GCA: variants seen among roughly 807,000 people sequenced by gnomAD.
GCA encodes grancalcin, EF-hand calcium-binding protein.
Under a neutral mutation model 32.6 loss-of-function variants are expected in GCA, and 30 were observed. The observed-to-expected ratio is 0.92, with a 90% confidence interval of 0.69 to 1.25. The LOEUF (loss-of-function observed/expected upper bound fraction) is 1.25. Ranked by LOEUF, GCA falls within the 50% of genes most tolerant of loss-of-function variation. The probability of loss-of-function intolerance (pLI) is 0.00; values close to 1 mark genes in which losing one functional copy is unlikely to be tolerated. For missense variants in GCA, 291 were observed against 266.8 expected (o/e 1.09, Z -0.63); for synonymous variants, 102 against 84.6 (o/e 1.21, Z -1.13).
chr2:162,330,362 C>A (rs1406134063), intron 1 of GCA, among the ~76,000 whole-genome samples: 1 of 152,078 alleles, frequency 6.6e-6, no homozygotes, highest in Non-Finnish European at 1.5e-5. Context: ...TTAGTAATAG[C>A]CAATAATTTT....
chr2:162,342,829 T>C (rs1295935115), upstream of GCA, among the ~76,000 whole-genome samples: 2 of 152,264 alleles, frequency 1.3e-5, no homozygotes, highest in African/African-American at 4.8e-5. Context: ...CAATGGTTTG[T>C]TCTTTCTAGC....
At chr2:162,355,381 A>G (rs186891791) in intron 3 of GCA, among the ~76,000 whole-genome samples, 2 of 152,278 alleles carry the variant, frequency 1.3e-5, no homozygotes, top group African/African-American at 4.8e-5. Flanking sequence ...ATGTCTTATA[A>G]TTTTTTCTTT....
chr2:162,333,373 T>G (rs537394206), intron 1 of GCA, among the ~76,000 whole-genome samples: 22 of 152,270 alleles, frequency 1.4e-4, no homozygotes, highest in African/African-American at 4.8e-4. Flanking sequence ...GATTATTCCT[T>G]AAATAATTAA....
chr2:162,327,311 A>G (rs1034430732), intron 1 of GCA, among the ~76,000 whole-genome samples: 2 of 152,174 alleles, frequency 1.3e-5, no homozygotes, highest in African/African-American at 4.8e-5. Context: ...ATCAGCCAGC[A>G]GGGGTCGCTC....
At chr2:162,352,490 T>TA (rs1685053885) in intron 3 of GCA, 83 bp downstream of exon 3, 1 of 847,750 alleles carries the variant, frequency 1.2e-6, no homozygotes, top group Non-Finnish European at 2.0e-6. Flanking sequence ...TTAAAATGTT[T>TA]AAAAAATTAT....
intron 1 of GCA, among the ~76,000 whole-genome samples, chr2:162,331,098 G>T (rs1341767442): frequency 6.6e-6 from 1 of 152,088 alleles, no homozygotes; most frequent in Non-Finnish European, 1.5e-5. Context: ...GCACTGTGCT[G>T]GGAGGCCATT....
chr2:162,347,678 A>G lies in GCA; in HGVS notation c.128A>G (p.Tyr43Cys). 2.5e-6 allele frequency: 4 copies of G among 1,610,136 alleles called. No individual in the cohort carries two copies. Among genetic ancestry groups the G allele is most frequent in the Non-Finnish European group, 3.4e-6 (4 of 1,177,306 alleles). The change falls in exon 2 of 8, where the codon TAT (tyrosine) becomes TGT (cysteine). Residue 43 changes from tyrosine to cysteine, a missense_variant. Transcript: ENST00000437150. ...CTCGATGGATACTCTGGGCCAGCAT[A>G]TTCAGACACTTATTCCTCAGCTGGT... ...ILLDGYSGPA[Y>C]SDTYSSAGDS... is the part of the protein sequence containing the mutation.
In GCA at chr2:162,362,619, A is replaced by G; in HGVS notation, c.*2376A>G. On this transcript the variant is annotated 3_prime_UTR_variant, in exon 8 of 8. Transcript: ENST00000437150. ...CATTTTGAGAATTTTTTTAATAAAC[A>G]TTCAAATAGCTTGCTGTAAAGTTTT... is the stretch of plus-strand genomic sequence containing the variant. The G allele has an allele frequency of 7.9e-6, 7 of 890,760 alleles. No individual in the cohort carries two copies. Among genetic ancestry groups the G allele is most frequent in the Non-Finnish European group, 9.4e-6 (7 of 743,888 alleles). 55.2% of individuals were successfully genotyped at this position (890,760 alleles called of 1,614,324 possible).
chr2:162,355,321 T>C (rs966315814), intron 3 of GCA, among the ~76,000 whole-genome samples: 1 of 152,158 alleles, frequency 6.6e-6, no homozygotes, highest in Non-Finnish European at 1.5e-5. Flanking sequence ...AATTCTAACA[T>C]TGATACTATA....
At chr2:162,335,763 T>C (rs911240425) in intron 1 of GCA, among the ~76,000 whole-genome samples, 12 of 152,198 alleles carry the variant, frequency 7.9e-5, no homozygotes, top group African/African-American at 2.9e-4. Flanking sequence ...TTTAAAGAAG[T>C]TGCATTATAT....
At chr2:162,334,636 G>A (rs916419220) in intron 1 of GCA, among the ~76,000 whole-genome samples, 1 of 152,146 alleles carries the variant, frequency 6.6e-6, no homozygotes, top group East Asian at 1.9e-4. Flanking sequence ...TCTAGCCACA[G>A]CACTCATCTC....
chr2:162,335,813 A>G (rs1255626621), intron 1 of GCA, among the ~76,000 whole-genome samples: 1 of 152,200 alleles, frequency 6.6e-6, no homozygotes, highest in Non-Finnish European at 1.5e-5. Flanking sequence ...CTTGGAGTCA[A>G]TTGTCAACCC....
downstream of GCA, among the ~76,000 whole-genome samples, chr2:162,367,211 A>G (rs1319042545): frequency 1.3e-5 from 2 of 151,896 alleles, no homozygotes; most frequent in East Asian, 3.9e-4. Flanking sequence ...GGTTTACCAC[A>G]TTGAGTCCCC....
chr2:162,322,065 T>C (rs1421298483), intron 1 of GCA, among the ~76,000 whole-genome samples: 1 of 150,478 alleles, frequency 6.6e-6, no homozygotes, highest in Non-Finnish European at 1.5e-5. Context: ...CTGTCGTAGC[T>C]TTTTATTTCA....
chr2:162,330,663 G>C (rs1684044561), intron 1 of GCA, among the ~76,000 whole-genome samples: 2 of 152,324 alleles, frequency 1.3e-5, no homozygotes, highest in Admixed American at 6.5e-5. Context: ...TCCATGGTTA[G>C]AACTTTAGTG....
Position 162,361,988 on chromosome 2 carries a change from A to G in GCA, c.*1745A>G. On this transcript the variant is annotated 3_prime_UTR_variant, in exon 8 of 8. Transcript: ENST00000437150. ...GGCTCACAGTTGAGGTAAAACTTTTAAAATGACAAATGGTATTATTCATGT... is the reference window on the plus strand; with the variant it reads ...GGCTCACAGTTGAGGTAAAACTTTTGAAATGACAAATGGTATTATTCATGT... The G allele has an allele frequency of 7.1e-6, 7 of 983,240 alleles. No homozygotes were observed. The highest frequency in any genetic ancestry group is 8.5e-6 in the Non-Finnish European group (7 of 828,146). 60.9% of individuals were successfully genotyped at this position (983,240 alleles called of 1,614,324 possible). A position where few individuals can be genotyped will look rare whatever the true frequency, so the allele number is the denominator to read the frequency against.
chr2:162,357,446 C>G (rs1685337017), intron 5 of GCA, among the ~76,000 whole-genome samples: 2 of 151,732 alleles, frequency 1.3e-5, no homozygotes, highest in South Asian at 4.1e-4. Flanking sequence ...AAATGGATAA[C>G]ATACAATGGT....
downstream of GCA, among the ~76,000 whole-genome samples, chr2:162,374,286 T>G (rs1686081733): frequency 6.6e-6 from 1 of 152,194 alleles, no homozygotes; most frequent in South Asian, 2.1e-4. Context: ...TTCACTTGCT[T>G]CTAATGACCC....
chr2:162,329,025 C>T (rs2105268563), intron 1 of GCA, among the ~76,000 whole-genome samples: 1 of 152,252 alleles, frequency 6.6e-6, no homozygotes, highest in Middle Eastern at 3.4e-3. Flanking sequence ...TCTCCACATC[C>T]AGCCGCCTGT....
Sources: allele counts gnomAD v4.1 joint callset (sites outside exome capture counted in the v4.1 genomes callset), GRCh38; gene constraint gnomAD v4.1.1; transcripts MANE v1.5; gene names NCBI Gene and HGNC (gene_info 2026-07-23, HGNC 2026-07-21).